LMO7: variants seen among roughly 807,000 people sequenced by gnomAD.
LMO7 encodes the protein LIM domain only protein 7.
A neutral mutation model predicts 206.5 loss-of-function variants in LMO7; 120 were observed. The observed-to-expected ratio is 0.58, with a 90% confidence interval of 0.50 to 0.68. The LOEUF (loss-of-function observed/expected upper bound fraction) is 0.68, where lower values mean the gene tolerates loss of function less well. Ranked by LOEUF, LMO7 falls within the 30% of genes least tolerant of loss-of-function variation. The pLI is 0.00. For synonymous variants in LMO7, 706 were observed against 681.5 expected, an observed-to-expected ratio of 1.04 and a Z score of -0.56; for missense variants, 1,959 against 1,957.9, an observed-to-expected ratio of 1.00 and a Z score of -0.01.
rs186123796 is a variant in LMO7 at position 75,842,996 on chromosome 13, A to G, written c.4097+80A>G. On this transcript the variant is annotated intron_variant, in intron 25 of 30. Coordinates refer to ENST00000377534, the MANE Select transcript of LMO7 (RefSeq NM_001306080.2). ...TCCAGAGCTTGCATCGATGATTTGTAGAACTACTTTAGCCCTTTGTCATTT... is the reference window on the plus strand; with the variant it reads ...TCCAGAGCTTGCATCGATGATTTGTGGAACTACTTTAGCCCTTTGTCATTT... The G allele has an allele frequency of 7.1e-5, 64 of 905,596 alleles. 1 individual carries two copies. The Admixed American group carries it at 7.1e-4, about 10-fold the overall frequency. 56.1% of individuals were successfully genotyped at this position (905,596 alleles called of 1,614,324 possible). A position where few individuals can be genotyped will look rare whatever the true frequency, so the allele number is the denominator to read the frequency against.
At chr13:75,717,827 T>A (rs2043681169) in intron 2 of LMO7, among the ~76,000 whole-genome samples, 1 of 152,180 alleles carries the variant, frequency 6.6e-6, no homozygotes, top group Non-Finnish European at 1.5e-5. Flanking sequence ...GGGAAAGGCT[T>A]TTTTTCTTAG....
chr13:75,767,786 G>A (rs961771258), intron 4 of LMO7, among the ~76,000 whole-genome samples: 2 of 152,078 alleles, frequency 1.3e-5, no homozygotes, highest in Non-Finnish European at 2.9e-5. Flanking sequence ...AGAGAGCAGA[G>A]ATTTTGGTAT....
In LMO7 at chr13:75,636,691, TC is replaced by T. The variant is rs1180287077; in HGVS notation, c.36del (p.Val13TrpfsTer13). 1 of 1,609,734 alleles carries T rather than the reference TC, an allele frequency of 6.2e-7. No homozygotes were observed. Among genetic ancestry groups the T allele is most frequent in the East Asian group, 2.2e-5 (1 of 44,782 alleles). On this transcript the variant is annotated frameshift_variant, in exon 1 of 31. Coordinates refer to ENST00000377534, the MANE Select transcript of LMO7 (RefSeq NM_001306080.2). LOFTEE classifies it high-confidence loss of function. ...GCTGGAGGAGGCAGAGGCCAACTGCTCCGTGGCGTTCGCTGAGGCTCAGAGA... is the reference window on the plus strand; with the variant it reads ...GCTGGAGGAGGCAGAGGCCAACTGCTCGTGGCGTTCGCTGAGGCTCAGAGA... ...EGLEEAEANC[S>X]VAFAEAQRWV...
chr13:75,654,879 T>TTTTC (rs1259481396), intron 1 of LMO7, among the ~76,000 whole-genome samples: 1 of 151,098 alleles, frequency 6.6e-6, no homozygotes, highest in Non-Finnish European at 1.5e-5. Flanking sequence ...CTTCTCTCTT[T>TTTTC]TTTTTTTTTT....
At chr13:75,634,411 C>G (rs2138875839), upstream of LMO7, among the ~76,000 whole-genome samples, 1 of 151,180 alleles carries the variant, frequency 6.6e-6, no homozygotes, top group East Asian at 2.0e-4. Context: ...GCACTCCAGC[C>G]TAGGCAACAG....
chr13:75,813,172 A>T (rs1473089600), intron 11 of LMO7, among the ~76,000 whole-genome samples: 2 of 152,164 alleles, frequency 1.3e-5, no homozygotes, highest in Non-Finnish European at 2.9e-5. Context: ...CTGATAAGGG[A>T]GGGAAGAATT....
intron 2 of LMO7, among the ~76,000 whole-genome samples, chr13:75,717,857 T>C (rs1425540069): frequency 6.6e-6 from 1 of 152,228 alleles, no homozygotes; most frequent in African/African-American, 2.4e-5. Context: ...TGGTTTTGAA[T>C]TTCCTGAGGA....
intron 2 of LMO7, among the ~76,000 whole-genome samples, chr13:75,717,408 C>T (rs2043644574): frequency 1.3e-5 from 2 of 150,020 alleles, no homozygotes; most frequent in Admixed American, 6.6e-5. Flanking sequence ...CACAACTCTT[C>T]TCTCACTGTC....
At chr13:75,803,246 G>A (rs921668855) in intron 7 of LMO7, among the ~76,000 whole-genome samples, 1 of 152,142 alleles carries the variant, frequency 6.6e-6, no homozygotes, top group African/African-American at 2.4e-5. Context: ...CCTGTAGACT[G>A]TTCTCAGTGT....
chr13:75,726,929 T>C (rs1040736069), intron 2 of LMO7, 100 bp from the exon 3 acceptor site: 10 of 711,268 alleles, frequency 1.4e-5, no homozygotes, highest in East Asian at 5.5e-5. Context: ...GTATAACACA[T>C]TGAGGGGAGG....
chr13:75,857,836 A>T, intron 30 of LMO7, 85 bp from the exon 31 acceptor site: 1 of 869,470 alleles, frequency 1.2e-6, no homozygotes, highest in Non-Finnish European at 1.8e-6. Flanking sequence ...CCACTTTCTG[A>T]GTGATGACTG....
rs775729203 is a variant in LMO7, at chr13:75,856,546, G to T, written c.4811G>T (p.Gly1604Val). 5.6e-6 allele frequency: 9 copies of T among 1,612,750 alleles called. No individual in the cohort carries two copies. Among genetic ancestry groups the T allele is most frequent in the African/African-American group, 1.3e-5 (1 of 74,794 alleles). The change falls in exon 30 of 31, where the codon GGA becomes GTA. Residue 1604 changes from glycine (G) to valine (V), a missense_variant. Coordinates refer to ENST00000377534, the MANE Select transcript of LMO7 (RefSeq NM_001306080.2). ...TGTGACCTCGGAGGCTCTTCCTCAG[G>T]AGCTGAAGTCAGGATCAGAAACCAC... is the stretch of plus-strand genomic sequence containing the variant. ...CECDLGGSSSGAEVRIRNHQL... is the reference protein window; with the variant it reads ...CECDLGGSSSVAEVRIRNHQL...
At chr13:75,729,151 C>T (rs866907376) in intron 3 of LMO7, among the ~76,000 whole-genome samples, 14 of 148,750 alleles carry the variant, frequency 9.4e-5, no homozygotes, top group East Asian at 4.0e-4. Flanking sequence ...TAGTTTTTTC[C>T]AATTCTGTGA....
In LMO7 at chr13:75,680,299, T is replaced by C. The variant is rs537613247; in HGVS notation, c.70-32883T>C. 3.3e-5 allele frequency among the ~76,000 whole-genome samples: 5 copies of C among 152,364 alleles called. No homozygotes were observed. In the East Asian group the frequency reaches 9.6e-4, roughly 29 times the overall value. ...ACATTTTCTTTATCCAGTCTATCAT[T>C]GATGGGCATTTGGGTTGATTCCATG... On this transcript the variant is annotated intron_variant, in intron 1 of 30. Coordinates refer to ENST00000377534, the MANE Select transcript of LMO7 (RefSeq NM_001306080.2).
At chr13:75,754,224 G>T (rs564642332) in intron 3 of LMO7, among the ~76,000 whole-genome samples, 1 of 152,210 alleles carries the variant, frequency 6.6e-6, no homozygotes, top group African/African-American at 2.4e-5. Flanking sequence ...CTACCAACCT[G>T]CATTTCGTCT....
chr13:75,626,595 A>ATATTTTTTTTTTTTTTT, intron 2 of LMO7, among the ~76,000 whole-genome samples: 13 of 71,164 alleles, frequency 1.8e-4, no homozygotes, highest in Non-Finnish European at 4.3e-4. Flanking sequence ...ATATATATAA[A>ATATTTTTTTTTTTTTTT]TTTTTTTGAG....
chr13:75,743,837 G>A (rs585233), intron 3 of LMO7, among the ~76,000 whole-genome samples: 70,787 of 151,836 alleles, frequency 0.47, 17,189 homozygotes, highest in East Asian at 0.61. Context: ...CATGTGCACA[G>A]GTTAAAAAAA....
Position 75,774,230 on chromosome 13 carries a change from T to TA in LMO7, c.317+13193dup, listed in dbSNP as rs539300005. 3.2e-3 allele frequency among the ~76,000 whole-genome samples: 482 copies of TA among 152,300 alleles called. 5 individuals are homozygous for TA. Among genetic ancestry groups the TA allele is most frequent in the African/African-American group, 0.011 (443 of 41,568 alleles). Reference sequence around the variant, plus strand: ...TCTCATGTCCCTAAGATCAACCTCTTACCTGAACTCTAGCCACAGTATAGT... The same window carrying TA: ...TCTCATGTCCCTAAGATCAACCTCTTAACCTGAACTCTAGCCACAGTATAGT... On this transcript the variant is annotated intron_variant, in intron 4 of 30. Coordinates refer to ENST00000377534, the MANE Select transcript of LMO7 (RefSeq NM_001306080.2).
intron 2 of LMO7, among the ~76,000 whole-genome samples, chr13:75,626,002 T>G (rs1440125207): frequency 6.6e-6 from 1 of 152,176 alleles, no homozygotes; most frequent in Non-Finnish European, 1.5e-5. Context: ...TTTGTAAGGT[T>G]TCTTCACATT....
Sources: allele counts gnomAD v4.1 joint callset (sites outside exome capture counted in the v4.1 genomes callset), GRCh38; gene constraint gnomAD v4.1.1; transcripts MANE v1.5; gene names NCBI Gene and HGNC (gene_info 2026-07-23, HGNC 2026-07-21).